PLEKHM3: variants seen among roughly 807,000 people sequenced by gnomAD.
PLEKHM3 encodes pleckstrin homology domain-containing family M member 3.
PLEKHM3 carries 45 observed loss-of-function variants against 81.8 expected under a neutral mutation model. The observed-to-expected ratio is 0.55, with a 90% CI of 0.43 to 0.71. PLEKHM3 has a LOEUF of 0.71. Ranked by LOEUF, PLEKHM3 falls within the 30% of genes least tolerant of loss-of-function variation. PLEKHM3 has a pLI of 0.00. For synonymous variants in PLEKHM3, 352 were observed against 356.4 expected (o/e 0.99, Z 0.14); for missense variants, 788 against 924.3 (o/e 0.85, Z 1.91).
intron 1 of PLEKHM3, among the ~76,000 whole-genome samples, chr2:208,018,143 G>A (rs1013287887): frequency 1.3e-5 from 2 of 152,268 alleles, no homozygotes; most frequent in African/African-American, 4.8e-5. Context: ...GGGAGGCCAA[G>A]GCGGGTGGAT....
intron 4 of PLEKHM3, among the ~76,000 whole-genome samples, chr2:207,942,042 A>G (rs1384459234): frequency 6.6e-6 from 1 of 152,226 alleles, no homozygotes; most frequent in Non-Finnish European, 1.5e-5. Flanking sequence ...TAGTACAGCC[A>G]CTGTGGAAAA....
chr2:207,896,482 G>A (rs759477912), intron 6 of PLEKHM3, among the ~76,000 whole-genome samples: 1 of 152,234 alleles, frequency 6.6e-6, no homozygotes, highest in Non-Finnish European at 1.5e-5. Context: ...AAAGTGATGA[G>A]AAATGATAGG....
At chr2:207,855,915 G>GA (rs1336531781) in intron 7 of PLEKHM3, among the ~76,000 whole-genome samples, 2 of 152,060 alleles carry the variant, frequency 1.3e-5, no homozygotes, top group African/African-American at 2.4e-5. Context: ...AAGGAAATCT[G>GA]AAAAAACTGT....
chr2:207,918,421 C>T (rs1273036862), intron 5 of PLEKHM3, among the ~76,000 whole-genome samples: 2 of 152,108 alleles, frequency 1.3e-5, no homozygotes, highest in East Asian at 1.9e-4. Context: ...ACTCAGGAGG[C>T]TGAGGCAGGA....
chr2:207,829,669 C>T (rs1232752002), intron 7 of PLEKHM3, among the ~76,000 whole-genome samples: 4 of 152,118 alleles, frequency 2.6e-5, no homozygotes, highest in East Asian at 1.9e-4. Flanking sequence ...CATCCTTCCA[C>T]GAGGGTAACA....
At position 207,885,521 on chromosome 2, in the gene PLEKHM3, G is replaced by T. The variant is rs146033499; in HGVS notation, c.1950+22993C>A. Among the ~76,000 whole-genome samples the T allele has an allele frequency of 3.8e-3, 572 of 152,298 alleles. 2 individuals carry two copies. The highest frequency in any genetic ancestry group is 0.013 in the African/African-American group (530 of 41,570). ...GAAATAAAGAAGCAGATGGAGAAATGATGGCCTTTTAAAATTTTCTTAAAT... is the reference window on the plus strand; with the variant it reads ...GAAATAAAGAAGCAGATGGAGAAATTATGGCCTTTTAAAATTTTCTTAAAT... On this transcript the variant is annotated intron_variant, in intron 6 of 7. Coordinates refer to ENST00000427836, the MANE Select transcript of PLEKHM3 (RefSeq NM_001080475.3).
At chr2:207,931,365 A>T (rs902858595) in intron 4 of PLEKHM3, among the ~76,000 whole-genome samples, 2 of 152,190 alleles carry the variant, frequency 1.3e-5, no homozygotes, top group Non-Finnish European at 2.9e-5. Context: ...AGGAACCTAC[A>T]CATGTGACAG....
At chr2:207,927,902 C>G (rs1264097555) in intron 5 of PLEKHM3, among the ~76,000 whole-genome samples, 2 of 152,138 alleles carry the variant, frequency 1.3e-5, no homozygotes, top group Non-Finnish European at 2.9e-5. Context: ...GATTATTTCA[C>G]TAAATAGTCG....
Position 207,953,668 on chromosome 2 carries a change from G to A in PLEKHM3, c.1547-7156C>T, listed in dbSNP as rs145170303. Among the ~76,000 whole-genome samples the A allele has an allele frequency of 3.0e-3, 452 of 152,110 alleles. 2 individuals carry two copies. In the Middle Eastern group the frequency reaches 0.041, roughly 14 times the overall value. On this transcript the variant is annotated intron_variant, in intron 3 of 7. Coordinates refer to ENST00000427836, the MANE Select transcript of PLEKHM3 (RefSeq NM_001080475.3). ...CTACTAAAAACACAAAAATTAGCTG[G>A]GTGTGATGGCACATGCCTGTAATCC... is the stretch of plus-strand genomic sequence containing the variant.
chr2:207,942,831 C>T (rs1469290886), intron 4 of PLEKHM3, among the ~76,000 whole-genome samples: 1 of 151,994 alleles, frequency 6.6e-6, no homozygotes, highest in African/African-American at 2.4e-5. Context: ...ACCTGGGAGG[C>T]GGAGGTTGCA....
intron 1 of PLEKHM3, among the ~76,000 whole-genome samples, chr2:208,021,769 T>C (rs915769270): frequency 4.6e-5 from 7 of 152,210 alleles, no homozygotes; most frequent in South Asian, 2.1e-4. Flanking sequence ...TCAGCCCTTA[T>C]GTAGATTTTG....
At chr2:207,973,050 C>T (rs539980936) in intron 3 of PLEKHM3, among the ~76,000 whole-genome samples, 31 of 152,304 alleles carry the variant, frequency 2.0e-4, no homozygotes, top group Middle Eastern at 3.4e-3. Context: ...TAAAGGGGCA[C>T]ACTAAAACCA....
At chr2:208,011,691 T>G (rs1347810586) in intron 1 of PLEKHM3, among the ~76,000 whole-genome samples, 2 of 148,936 alleles carry the variant, frequency 1.3e-5, no homozygotes, top group African/African-American at 4.9e-5. Context: ...TGCACCAAAA[T>G]CTCACAAGTC....
chr2:207,915,660 A>T (rs1688967425), intron 5 of PLEKHM3, among the ~76,000 whole-genome samples: 1 of 152,240 alleles, frequency 6.6e-6, no homozygotes, highest in Non-Finnish European at 1.5e-5. Flanking sequence ...GACCCACAAC[A>T]TACACACATG....
intron 4 of PLEKHM3, among the ~76,000 whole-genome samples, chr2:207,934,085 G>C (rs945930396): frequency 3.3e-5 from 5 of 152,010 alleles, no homozygotes; most frequent in Non-Finnish European, 7.4e-5. Context: ...AACTCAACTC[G>C]AATTAAAAAT....
chr2:207,936,846 A>AGTGTGT (rs57642698), intron 4 of PLEKHM3, among the ~76,000 whole-genome samples: 1,773 of 146,772 alleles, frequency 0.012, 19 homozygotes, highest in Middle Eastern at 0.054. Flanking sequence ...TAGATAAATT[A>AGTGTGT]GTGTGTGTGT....
chr2:207,895,694 T>G (rs1283890801), intron 6 of PLEKHM3, among the ~76,000 whole-genome samples: 1 of 152,332 alleles, frequency 6.6e-6, no homozygotes, highest in East Asian at 1.9e-4. Flanking sequence ...CCAGATAACC[T>G]GACTGGTGCT....
At chr2:208,011,064 C>CAAA (rs10587149) in intron 1 of PLEKHM3, among the ~76,000 whole-genome samples, 3 of 65,074 alleles carry the variant, frequency 4.6e-5, no homozygotes, top group African/African-American at 7.7e-5. Flanking sequence ...TGGCCATAAT[C>CAAA]AAAAAAAAAA....
chr2:207,978,748 G>A (rs1045826386), intron 2 of PLEKHM3, among the ~76,000 whole-genome samples: 1 of 150,842 alleles, frequency 6.6e-6, no homozygotes, highest in Non-Finnish European at 1.5e-5. Flanking sequence ...CCCTCTTTCA[G>A]AGAGTCTGTC....
Sources: gnomAD v4.1 joint callset for allele counts (sites outside exome capture counted in the v4.1 genomes callset) on GRCh38, gnomAD v4.1.1 for gene constraint, MANE v1.5 for transcripts, NCBI Gene and HGNC (gene_info 2026-07-23, HGNC 2026-07-21) for gene names.